Variants in ARHGAP6 observed in about 807,000 individuals in gnomAD.
The protein encoded by ARHGAP6 is Rho GTPase activating protein 6.
In ARHGAP6, 16 loss-of-function variants were observed where a neutral mutation model predicts 55.7. The observed-to-expected ratio is 0.29, with a 90% CI of 0.19 to 0.44. The LOEUF (loss-of-function observed/expected upper bound fraction) is 0.44. Among genes scored for constraint, ARHGAP6 ranks in the 20% least tolerant of loss-of-function variants. The probability of loss-of-function intolerance (pLI) is 1.00; values close to 1 mark genes in which losing one functional copy is unlikely to be tolerated. For synonymous variants in ARHGAP6, 382 were observed against 360.9 expected (o/e 1.06, Z -0.66); for missense variants, 698 against 808.9 (o/e 0.86, Z 1.66).
At chrX:11,553,237 T>C (rs1228257867) in intron 1 of ARHGAP6, among the ~76,000 whole-genome samples, 3 of 100,076 alleles carry the variant, frequency 3.0e-5, no homozygotes, top group African/African-American at 1.1e-4. Context: ...AATCGTTGCT[T>C]AGAACATTTT....
In ARHGAP6 at chrX:11,665,045, G is replaced by C. The variant is rs2052742540; in HGVS notation, c.-217C>G. On this transcript the variant is annotated 5_prime_UTR_variant, in exon 1 of 13. Coordinates refer to ENST00000337414, the MANE Select transcript of ARHGAP6 (RefSeq NM_013427.3). ...CAGCAGATCCATCACCAGCCTTCTAGGAAAATGGGTCTGGGGACCTCCTGC... is the reference window on the plus strand; with the variant it reads ...CAGCAGATCCATCACCAGCCTTCTACGAAAATGGGTCTGGGGACCTCCTGC... 1.3e-5 allele frequency: 5 copies of C among 372,966 alleles called. No individual in the cohort carries two copies. In the South Asian group the frequency reaches 2.9e-4, roughly 21 times the overall value. The allele number at this position is 372,966 out of a possible 1,213,427, so 30.7% of individuals were successfully genotyped here.
chrX:11,300,553 C>T, intron 1 of ARHGAP6: 1 of 1,039,300 alleles, frequency 9.6e-7, no homozygotes, highest in South Asian at 2.0e-5. Flanking sequence ...GTAAATGGTA[C>T]TCACTAGGAA....
At chrX:11,293,116 G>A (rs772491184) in intron 1 of ARHGAP6, among the ~76,000 whole-genome samples, 3 of 112,353 alleles carry the variant, frequency 2.7e-5, no homozygotes, top group African/African-American at 9.7e-5. Context: ...AGGAAAAGGC[G>A]ATGGCAGAGA....
At chrX:11,230,839 C>T (rs1339937567) in intron 2 of ARHGAP6, among the ~76,000 whole-genome samples, 1 of 110,825 alleles carries the variant, frequency 9.0e-6, no homozygotes, top group African/African-American at 3.3e-5. Flanking sequence ...AGAGATTTCT[C>T]ATTTACCCCC....
Position 11,345,968 on chromosome X carries a change from ATT to A in ARHGAP6, c.589-91263_589-91262del, listed in dbSNP as rs72082446. On this transcript the variant is annotated intron_variant, in intron 1 of 12. Transcript: ENST00000337414. ...AGTGAAAAGATGGACTTTTAGGCAC[ATT>A]TTTTTTTTTTAAGAGATGAGGGTTT... Among the ~76,000 whole-genome samples the A allele has an allele frequency of 4.0e-3, 414 of 104,208 alleles. 1 individual carries two copies. Among genetic ancestry groups the A allele is most frequent in the South Asian group, 0.01 (24 of 2,366 alleles). The allele number at this position is 104,208 out of a possible 115,157, so 90.5% of individuals were successfully genotyped here. A position where few individuals can be genotyped will look rare whatever the true frequency, so the allele number is the denominator to read the frequency against.
At chrX:11,380,062 C>T (rs908157792) in intron 1 of ARHGAP6, among the ~76,000 whole-genome samples, 3 of 111,742 alleles carry the variant, frequency 2.7e-5, no homozygotes, top group African/African-American at 9.8e-5. Context: ...TCTCAGAAGA[C>T]AATTTGTGAT....
chrX:11,361,713 A>G (rs2049013656), intron 1 of ARHGAP6, among the ~76,000 whole-genome samples: 1 of 111,667 alleles, frequency 9.0e-6, no homozygotes, highest in African/African-American at 3.3e-5. Context: ...CAGAGTGAAT[A>G]GGCAACCTAC....
chrX:11,344,894 A>G (rs186722106), intron 1 of ARHGAP6, among the ~76,000 whole-genome samples: 58 of 110,806 alleles, frequency 5.2e-4, no homozygotes, highest in African/African-American at 1.4e-3. Flanking sequence ...CTGTAATACC[A>G]TCTATTGTAA....
chrX:11,518,253 G>A (rs1228947139), intron 1 of ARHGAP6, among the ~76,000 whole-genome samples: 4 of 109,716 alleles, frequency 3.6e-5, no homozygotes, highest in African/African-American at 6.6e-5. Context: ...TGATCTTCCC[G>A]CCTCAGCCTC....
intron 12 of ARHGAP6, among the ~76,000 whole-genome samples, chrX:11,141,147 A>G (rs899561324): frequency 9.0e-6 from 1 of 111,725 alleles, no homozygotes; most frequent in African/African-American, 3.3e-5. Flanking sequence ...ACAATGAGAA[A>G]GGGAATATAA....
intron 1 of ARHGAP6, among the ~76,000 whole-genome samples, chrX:11,344,699 A>G (rs867123449): frequency 1.1e-4 from 11 of 101,788 alleles, no homozygotes; most frequent in African/African-American, 2.2e-4. Flanking sequence ...AAAAAAAAAA[A>G]AAAAAGAAAA....
intron 10 of ARHGAP6, among the ~76,000 whole-genome samples, chrX:11,156,003 C>T (rs1035614787): frequency 1.5e-4 from 17 of 112,398 alleles, no homozygotes; most frequent in African/African-American, 4.5e-4. Context: ...AACCCATGTG[C>T]ATTTTTATCA....
chrX:11,273,748 A>T (rs978722423), intron 1 of ARHGAP6, among the ~76,000 whole-genome samples: 1 of 111,186 alleles, frequency 9.0e-6, no homozygotes, highest in South Asian at 3.8e-4. Context: ...GGTGCACAGT[A>T]AGGATTATTC....
At chrX:11,507,587 T>C (rs772312946) in intron 1 of ARHGAP6, among the ~76,000 whole-genome samples, 8 of 112,166 alleles carry the variant, frequency 7.1e-5, no homozygotes, top group Non-Finnish European at 1.3e-4. Flanking sequence ...TCCTATTTTG[T>C]AGAAAGAAAC....
chrX:11,189,062 G>A, intron 3 of ARHGAP6, 78 bp from the exon 4 acceptor site: 2 of 1,066,635 alleles, frequency 1.9e-6, no homozygotes, highest in Non-Finnish European at 2.5e-6. Flanking sequence ...TCAGACCTAA[G>A]TAAGAACAGA....
At chrX:11,591,393 ATTAT>A (rs2051833215) in intron 1 of ARHGAP6, among the ~76,000 whole-genome samples, 1 of 108,286 alleles carries the variant, frequency 9.2e-6, no homozygotes. Context: ...TAATTAAATA[ATTAT>A]TTAATTATAT....
At chrX:11,379,816 G>C (rs2049242339) in intron 1 of ARHGAP6, among the ~76,000 whole-genome samples, 3 of 110,502 alleles carry the variant, frequency 2.7e-5, no homozygotes, top group Admixed American at 1.9e-4. Context: ...TGATTGCCTG[G>C]TTTCCTGTGT....
intron 9 of ARHGAP6, among the ~76,000 whole-genome samples, chrX:11,158,862 A>G (rs1275232588): frequency 8.9e-6 from 1 of 112,470 alleles, no homozygotes; most frequent in Admixed American, 9.4e-5. Flanking sequence ...CAAACAGACA[A>G]TAATCCTTGT....
chrX:11,542,059 T>C (rs950764325), intron 1 of ARHGAP6, among the ~76,000 whole-genome samples: 4 of 110,401 alleles, frequency 3.6e-5, no homozygotes, highest in African/African-American at 9.9e-5. Context: ...CTGTAAATAA[T>C]GGTTAGGCAA....
Sources: allele counts gnomAD v4.1 joint callset (sites outside exome capture counted in the v4.1 genomes callset), GRCh38; gene constraint gnomAD v4.1.1; transcripts MANE v1.5; gene names NCBI Gene and HGNC (gene_info 2026-07-23, HGNC 2026-07-21).